The following OPCML variants were observed in gnomAD, a reference collection of about 807,000 sequenced individuals.
OPCML encodes the protein opioid binding protein/cell adhesion molecule like, also known as opioid-binding protein/cell adhesion molecule.
In OPCML, 13 loss-of-function variants were observed where a neutral mutation model predicts 37.8. The ratio of observed to expected loss-of-function variants is 0.34; its 90% CI spans 0.22 to 0.55. The LOEUF is 0.55. Among genes scored for constraint, OPCML ranks in the 20% least tolerant of loss-of-function variants. OPCML has a pLI of 0.91. For synonymous variants in OPCML, 176 were observed against 168.8 expected (o/e 1.04, Z -0.33); for missense variants, 341 against 435.6 (o/e 0.78, Z 1.93).
chr11:132,711,585 G>C (rs1944264097), intron 2 of OPCML, among the ~76,000 whole-genome samples: 1 of 152,218 alleles, frequency 6.6e-6, no homozygotes, highest in Non-Finnish European at 1.5e-5. Context: ...ATAGCTAGCA[G>C]TTGTCAGTGA....
chr11:133,178,706 G>A (rs919311842), intron 1 of OPCML, among the ~76,000 whole-genome samples: 1 of 152,104 alleles, frequency 6.6e-6, no homozygotes, highest in Non-Finnish European at 1.5e-5. Flanking sequence ...GAGAGGCCAG[G>A]GTGCCAGAGA....
At chr11:132,574,458 A>T (rs532886951) in intron 3 of OPCML, among the ~76,000 whole-genome samples, 1 of 151,472 alleles carries the variant, frequency 6.6e-6, no homozygotes, top group Non-Finnish European at 1.5e-5. Flanking sequence ...TGTATATCGT[A>T]TCTTTGTTTT....
intron 1 of OPCML, among the ~76,000 whole-genome samples, chr11:133,402,438 A>C (rs1945426227): frequency 6.6e-6 from 1 of 152,174 alleles, no homozygotes; most frequent in African/African-American, 2.4e-5. Flanking sequence ...AGTGCATTAC[A>C]AGGATTTTAA....
intron 1 of OPCML, among the ~76,000 whole-genome samples, chr11:133,171,325 C>G (rs1950285940): frequency 6.6e-6 from 1 of 152,168 alleles, no homozygotes; most frequent in Non-Finnish European, 1.5e-5. Context: ...CCAAAAGGCT[C>G]TTATCTTGCC....
At chr11:133,045,760 C>T (rs1267537428) in intron 1 of OPCML, among the ~76,000 whole-genome samples, 2 of 152,206 alleles carry the variant, frequency 1.3e-5, no homozygotes, top group Admixed American at 1.3e-4. Context: ...CAGGACTTCT[C>T]TAAATTAGCT....
chr11:133,362,745 A>G (rs1390433407), intron 1 of OPCML, among the ~76,000 whole-genome samples: 1 of 152,124 alleles, frequency 6.6e-6, no homozygotes, highest in Non-Finnish European at 1.5e-5. Context: ...ACCAAGATGG[A>G]AGGATAAGAG....
chr11:133,440,594 G>A (rs1177753584), intron 1 of OPCML, among the ~76,000 whole-genome samples: 2 of 150,360 alleles, frequency 1.3e-5, no homozygotes, highest in East Asian at 2.0e-4. Context: ...GGGCATGGTG[G>A]CAGGTGCCTG....
intron 1 of OPCML, among the ~76,000 whole-genome samples, chr11:133,102,924 C>T (rs1054164319): frequency 6.6e-6 from 1 of 152,104 alleles, no homozygotes; most frequent in South Asian, 2.1e-4. Flanking sequence ...GCCCTAGGAA[C>T]TGTATCAGGT....
At chr11:132,585,017 G>T (rs1324799615) in intron 3 of OPCML, among the ~76,000 whole-genome samples, 1 of 152,180 alleles carries the variant, frequency 6.6e-6, no homozygotes, top group Non-Finnish European at 1.5e-5. Flanking sequence ...ACAAGAGTAG[G>T]TTACAGTCTG....
Position 132,559,060 on chromosome 11 carries a change from T to A in OPCML, c.380-29874A>T, listed in dbSNP as rs2096404656. On this transcript the variant is annotated intron_variant, in intron 3 of 7. Coordinates refer to ENST00000524381, the MANE Select transcript of OPCML (RefSeq NM_001012393.5). ...ATGATGACTTCCATGTATATTTAGTTTGAGAAATGGGAGAAAGAACAAACT... is the reference window on the plus strand; with the variant it reads ...ATGATGACTTCCATGTATATTTAGTATGAGAAATGGGAGAAAGAACAAACT... 2.6e-5 allele frequency among the ~76,000 whole-genome samples: 4 copies of A among 151,698 alleles called. No individual in the cohort carries two copies. In the South Asian group the frequency reaches 8.3e-4, roughly 32 times the overall value.
intron 1 of OPCML, among the ~76,000 whole-genome samples, chr11:132,952,354 A>G (rs1945878206): frequency 6.6e-6 from 1 of 152,224 alleles, no homozygotes; most frequent in Non-Finnish European, 1.5e-5. Context: ...ACAGAACACA[A>G]CACTTTGGAT....
intron 1 of OPCML, among the ~76,000 whole-genome samples, chr11:133,383,152 G>A (rs1944968022): frequency 6.6e-6 from 1 of 151,994 alleles, no homozygotes; most frequent in South Asian, 2.1e-4. Flanking sequence ...TATCCAAACA[G>A]GTCTCACGCC....
intron 2 of OPCML, among the ~76,000 whole-genome samples, chr11:132,677,192 A>C (rs1942747644): frequency 6.6e-6 from 1 of 152,112 alleles, no homozygotes; most frequent in African/African-American, 2.4e-5. Flanking sequence ...AATCTAACAA[A>C]GTATGTGCAA....
intron 1 of OPCML, among the ~76,000 whole-genome samples, chr11:133,367,305 G>A (rs538624678): frequency 1.3e-5 from 2 of 152,228 alleles, no homozygotes; most frequent in South Asian, 2.1e-4. Context: ...TCTTCAGGTC[G>A]CTAAAGACAT....
rs542167750 is a variant in OPCML at position 132,512,516 on chromosome 11, C to G, written c.505+16545G>C. 2.3e-3 allele frequency among the ~76,000 whole-genome samples: 348 copies of G among 151,956 alleles called. 3 individuals are homozygous for G. The highest frequency in any genetic ancestry group is 7.9e-3 in the African/African-American group (329 of 41,492). ...GGTACAATCATATAATAGAATGCCACTTAGCAATAAAAAAACCACACACAA... is the reference window on the plus strand; with the variant it reads ...GGTACAATCATATAATAGAATGCCAGTTAGCAATAAAAAAACCACACACAA... On this transcript the variant is annotated intron_variant, in intron 4 of 7. Transcript: ENST00000524381.
chr11:133,269,948 T>A (rs534605843), intron 1 of OPCML, among the ~76,000 whole-genome samples: 1 of 152,306 alleles, frequency 6.6e-6, no homozygotes, highest in African/African-American at 2.4e-5. Context: ...CATTTTATTC[T>A]CGTAGCTAGA....
intron 2 of OPCML, among the ~76,000 whole-genome samples, chr11:132,912,020 C>T (rs61906926): frequency 0.12 from 17,595 of 152,074 alleles, 1,214 homozygotes; most frequent in East Asian, 0.33. Flanking sequence ...CTAATTGAGA[C>T]GCATCAGTGA....
intron 1 of OPCML, among the ~76,000 whole-genome samples, chr11:133,313,196 C>T (rs140173346): frequency 3.2e-4 from 48 of 152,190 alleles, no homozygotes; most frequent in African/African-American, 8.9e-4. Flanking sequence ...GTAATATTCC[C>T]GGTGATCAGA....
At chr11:132,979,082 C>T (rs566482598) in intron 1 of OPCML, among the ~76,000 whole-genome samples, 3 of 152,270 alleles carry the variant, frequency 2.0e-5, no homozygotes, top group African/African-American at 7.2e-5. Context: ...TATCTCATAC[C>T]CGGCCCATCA....
Sources: gnomAD v4.1 joint callset for allele counts (sites outside exome capture counted in the v4.1 genomes callset) on GRCh38, gnomAD v4.1.1 for gene constraint, MANE v1.5 for transcripts, NCBI Gene and HGNC (gene_info 2026-07-23, HGNC 2026-07-21) for gene names.